MED24: variants seen among roughly 807,000 people sequenced by gnomAD.
MED24 encodes mediator complex subunit 24, also known as mediator of RNA polymerase II transcription subunit 24.
In MED24, 74 loss-of-function variants were observed where a neutral mutation model predicts 118.8. That is an observed-to-expected ratio of 0.62 (90% CI 0.52 to 0.76). The LOEUF is 0.76. Ranked by LOEUF, MED24 falls within the 30% of genes least tolerant of loss-of-function variation. The probability of loss-of-function intolerance (pLI) is 0.00; values close to 1 mark genes in which losing one functional copy is unlikely to be tolerated. For missense variants in MED24, 1,041 were observed against 1,278.9 expected, an observed-to-expected ratio of 0.81 and a Z score of 2.84; for synonymous variants, 521 against 523.9, an observed-to-expected ratio of 0.99 and a Z score of 0.08.
chr17:40,019,894 C>G lies in MED24; in HGVS notation c.2744G>C (p.Arg915Pro). The change falls in exon 25 of 26, where the codon CGC (arginine) becomes CCC (proline). Residue 915 changes from arginine (R) to proline (P), a missense_variant. This residue lies in a region of MED24 where 587 missense variants were observed against 694.4 expected (regional missense o/e 0.85). Coordinates refer to ENST00000394128, the MANE Select transcript of MED24 (RefSeq NM_014815.4). ...GAACTGGGTGTGGGGGCCAGCGGTG[C>G]GAGACCCCAGGATGGAGGAGATGAG... is the stretch of plus-strand genomic sequence containing the variant. Reference protein sequence around the residue: ...FLLISSILGSRTAGPHTQFVQ... With the variant: ...FLLISSILGSPTAGPHTQFVQ... The G allele has an allele frequency of 6.3e-7, 1 of 1,576,696 alleles. No homozygotes were observed. Among genetic ancestry groups the G allele is most frequent in the Non-Finnish European group, 8.6e-7 (1 of 1,160,436 alleles).
At chr17:40,029,710 AAG>A in intron 13 of MED24, 36 bp downstream of exon 13, 1 of 1,575,294 alleles carries the variant, frequency 6.3e-7, no homozygotes, top group East Asian at 2.2e-5. Flanking sequence ...GGAAAGAAGA[AAG>A]AGAAGACTGT....
intron 3 of MED24, among the ~76,000 whole-genome samples, chr17:40,041,137 C>T (rs1459044432): frequency 6.6e-6 from 1 of 152,230 alleles, no homozygotes; most frequent in African/African-American, 2.4e-5. Context: ...CCTGACCACT[C>T]TATGAATCTT....
At chr17:40,049,827 A>C (rs1985627155) in intron 3 of MED24, among the ~76,000 whole-genome samples, 1 of 151,224 alleles carries the variant, frequency 6.6e-6, no homozygotes, top group African/African-American at 2.4e-5. Context: ...CCCCACCTTA[A>C]TTTTTCGACT....
At position 40,023,159 on chromosome 17, in the gene MED24, A is replaced by G; in HGVS notation, c.2222T>C (p.Val741Ala). 6.2e-7 allele frequency: 1 copy of G among 1,614,066 alleles called. No homozygotes were observed. The highest frequency in any genetic ancestry group is 1.1e-5 in the South Asian group (1 of 91,080). Residue 741 changes from valine to alanine, a missense_variant, in exon 20 of 26, where the codon GTC (valine) becomes GCC (alanine). Val to Ala is a moderately conservative substitution (Grantham distance 64, BLOSUM62 0). Transcript: ENST00000394128. ...IFDTLLHMGG[V>A]YWFCNNLIKE... is the part of the protein sequence containing the mutation. Reference sequence around the variant, plus strand: ...AATCAGGTTGTTGCAGAACCAGTAGACGCCGCCCATGTGCAGCAGGGTGTC... The same window carrying G: ...AATCAGGTTGTTGCAGAACCAGTAGGCGCCGCCCATGTGCAGCAGGGTGTC...
chr17:40,046,757 A>G (rs1598370262), intron 3 of MED24, among the ~76,000 whole-genome samples: 1 of 151,672 alleles, frequency 6.6e-6, no homozygotes, highest in South Asian at 2.1e-4. Context: ...AAAAAAAACA[A>G]GAAGAAGAAG....
Position 40,035,809 on chromosome 17 carries a change from A to G in MED24, c.253-14T>C. On this transcript the variant is annotated splice_polypyrimidine_tract_variant and intron_variant, in intron 4 of 25. Coordinates refer to ENST00000394128, the MANE Select transcript of MED24 (RefSeq NM_014815.4). ...AAAGTCATCAAACTGTGGAAAGGAC[A>G]GTGGAGATGCTACGGAATGCCTCCA... The G allele has an allele frequency of 3.7e-6, 6 of 1,611,932 alleles. No homozygotes were observed. The highest frequency in any genetic ancestry group is 1.7e-5 in the Admixed American group (1 of 59,976).
intron 12 of MED24, 148 bp from the exon 13 acceptor site, chr17:40,030,007 A>G (rs1983175668): frequency 1.5e-6 from 1 of 659,556 alleles, no homozygotes; most frequent in Non-Finnish European, 2.7e-6. Flanking sequence ...TTATGGAAGC[A>G]TAGTCAATGT....
chr17:40,025,379 G>A (rs1341756187), intron 19 of MED24, among the ~76,000 whole-genome samples: 1 of 152,138 alleles, frequency 6.6e-6, no homozygotes, highest in African/African-American at 2.4e-5. Context: ...GAGGCGAGAG[G>A]ATCACTTGAG....
chr17:40,047,235 A>C (rs543085259), intron 3 of MED24, among the ~76,000 whole-genome samples: 7 of 152,382 alleles, frequency 4.6e-5, no homozygotes, highest in African/African-American at 7.2e-5. Context: ...TACATTACTA[A>C]GAAATCCAAA....
chr17:40,040,101 CAG>C (rs1475250152), intron 3 of MED24, among the ~76,000 whole-genome samples: 1 of 138,460 alleles, frequency 7.2e-6, no homozygotes, highest in Non-Finnish European at 1.5e-5. Flanking sequence ...TTTTTTGAGA[CAG>C]AGTCTCACTC....
Position 40,033,453 on chromosome 17 carries a change from G to C in MED24, c.563C>G (p.Ser188Cys). ...LHIAKLEEAS[S>C]WTAIEHSLLK... Reference sequence around the variant, plus strand: ...GAGAGAATGCTCGATGGCAGTCCAAGAAGCTGGCAGAGGGAAGGAAGTACA... The same window carrying C: ...GAGAGAATGCTCGATGGCAGTCCAACAAGCTGGCAGAGGGAAGGAAGTACA... Residue 188 changes from serine (S) to cysteine (C), a missense_variant, in exon 7 of 26, where the codon TCT (serine) becomes TGT (cysteine). By Grantham distance (112) the Ser-to-Cys change is moderately radical (BLOSUM62 -1). Around this residue, in one of 3 missense-constraint regions of MED24, gnomAD observed 434 missense variants for 514.9 expected, o/e 0.84. Coordinates refer to ENST00000394128, the MANE Select transcript of MED24 (RefSeq NM_014815.4). This position sits in a 1 kb window ranked among gnomAD's most constrained non-coding sequence, Gnocchi z 5.2. 1 of 1,583,226 alleles carries C rather than the reference G, an allele frequency of 6.3e-7. No homozygotes were observed. Among genetic ancestry groups the C allele is most frequent in the South Asian group, 1.1e-5 (1 of 87,292 alleles).
At chr17:40,023,779 C>G (rs534340818) in intron 19 of MED24, 2 of 182,524 alleles carry the variant, frequency 1.1e-5, no homozygotes, top group Admixed American at 5.8e-5. Context: ...GGGTCCCCGC[C>G]CAGCCCTGGC....
intron 23 of MED24, 112 bp from the exon 24 acceptor site, chr17:40,020,465 G>A (rs1411198099): frequency 1.3e-6 from 2 of 1,543,058 alleles, no homozygotes; most frequent in East Asian, 2.5e-5. Context: ...CTGGTACATG[G>A]AGAGCCCAGA....
Position 40,026,319 on chromosome 17 carries a change from T to C in MED24, c.1822A>G (p.Asn608Asp). The C allele has an allele frequency of 6.2e-7, 1 of 1,613,550 alleles. No homozygotes were observed. The highest frequency in any genetic ancestry group is 1.1e-5 in the South Asian group (1 of 91,072). The change falls in exon 19 of 26, where the codon AAC becomes GAC. Residue 608 changes from asparagine (N) to aspartate (D), a missense_variant. Physicochemically the swap from Asn to Asp is conservative, Grantham distance 23. Coordinates refer to ENST00000394128, the MANE Select transcript of MED24 (RefSeq NM_014815.4). Reference sequence around the variant, plus strand: ...AGACTGCATACCTTCCCTTTGATGTTATCAGTGATTTTCTAGGGGAGACGG... The same window carrying C: ...AGACTGCATACCTTCCCTTTGATGTCATCAGTGATTTTCTAGGGGAGACGG... ...AFESIQKITD[N>D]IKGKVCSLAV... is the part of the protein sequence containing the mutation.
intron 3 of MED24, among the ~76,000 whole-genome samples, chr17:40,043,890 C>CA (rs35743512): frequency 0.069 from 6,691 of 97,240 alleles, 769 homozygotes; most frequent in African/African-American, 0.23. Flanking sequence ...GACTCCATCT[C>CA]AAAAAAAAAA....
rs770834855 is a variant in MED24 at position 40,019,535 on chromosome 17, T to G, written c.2964A>C (p.Ala988=). ...TGCGGCCATGCCAAGCCCCTCAGAG[T>G]GCAGCAATGGCTTTAGCAGCCACCT... ...GRQVAAKAIA[A]L is the part of the protein sequence containing the mutation. Residue 988 remains alanine, a synonymous_variant, in exon 26 of 26, where the codon GCA becomes GCC. Transcript: ENST00000394128. The G allele has an allele frequency of 6.2e-7, 1 of 1,611,664 alleles. No individual in the cohort carries two copies. The highest frequency in any genetic ancestry group is 1.1e-5 in the South Asian group (1 of 90,934).
At chr17:40,028,084 G>C in intron 14 of MED24, 138 bp from the exon 15 acceptor site, 2 of 875,950 alleles carry the variant, frequency 2.3e-6, no homozygotes, top group Non-Finnish European at 3.6e-6. Flanking sequence ...CATTGCTATA[G>C]AAAAAAGGTT....
chr17:40,029,981 G>A (rs1983172683), intron 12 of MED24, 122 bp from the exon 13 acceptor site: 7 of 780,430 alleles, frequency 9.0e-6, no homozygotes, highest in East Asian at 2.7e-5. Flanking sequence ...AAGAACCTCC[G>A]AGGTTGGGGT....
intron 4 of MED24, 43 bp downstream of exon 4, chr17:40,036,073 G>T: frequency 6.3e-7 from 1 of 1,584,990 alleles, no homozygotes. Context: ...GCGGGGCCTT[G>T]TCTGTCATCC....
Sources: allele counts gnomAD v4.1 joint callset (sites outside exome capture counted in the v4.1 genomes callset), GRCh38; gene constraint gnomAD v4.1.1; regional missense constraint gnomAD v4.1.1; non-coding constraint Gnocchi (gnomAD v3.1); transcripts MANE v1.5; gene names NCBI Gene and HGNC (gene_info 2026-07-23, HGNC 2026-07-21).